CPAMD8: variants seen among roughly 807,000 people sequenced by gnomAD.
CPAMD8 encodes C3 and PZP-like alpha-2-macroglobulin domain-containing protein 8.
In CPAMD8, 146 loss-of-function variants were observed where a neutral mutation model predicts 224.7. The observed-to-expected ratio is 0.65, with a 90% CI of 0.57 to 0.75. CPAMD8 has a LOEUF of 0.75. Among genes scored for constraint, CPAMD8 ranks in the 30% least tolerant of loss-of-function variants. The pLI, the probability that CPAMD8 is intolerant of heterozygous loss-of-function variation, is 0.00. For synonymous variants in CPAMD8, 966 were observed against 1,044.6 expected (o/e 0.92, Z 1.45); for missense variants, 2,301 against 2,537.5 (o/e 0.91, Z 2.00).
chr19:16,924,459 A>G (rs879347704), intron 26 of CPAMD8, among the ~76,000 whole-genome samples: 6 of 152,262 alleles, frequency 3.9e-5, no homozygotes, highest in Middle Eastern at 3.4e-3. Flanking sequence ...GACCCTCACA[A>G]GTGCTAATCT....
chr19:16,916,941 C>T (rs1431975298), intron 27 of CPAMD8, among the ~76,000 whole-genome samples: 2 of 152,098 alleles, frequency 1.3e-5, no homozygotes, highest in Non-Finnish European at 2.9e-5. Flanking sequence ...CAGGGGGAAA[C>T]TCCATGCATT....
chr19:16,906,107 C>T (rs2052466817), intron 30 of CPAMD8, among the ~76,000 whole-genome samples: 1 of 152,026 alleles, frequency 6.6e-6, no homozygotes, highest in Non-Finnish European at 1.5e-5. Context: ...GTTGGCATCC[C>T]AGATTTCACA....
intron 22 of CPAMD8, among the ~76,000 whole-genome samples, chr19:16,941,740 C>T (rs764647325): frequency 7.9e-5 from 12 of 151,968 alleles, no homozygotes; most frequent in Non-Finnish European, 1.2e-4. Flanking sequence ...TTTGGGAGGC[C>T]GAGGTGAGTG....
intron 18 of CPAMD8, among the ~76,000 whole-genome samples, chr19:16,958,569 C>T (rs2054547318): frequency 2.0e-5 from 3 of 152,076 alleles, no homozygotes; most frequent in Admixed American, 2.0e-4. Flanking sequence ...GTAAATAGTG[C>T]TGCAGTGAAC....
intron 10 of CPAMD8, among the ~76,000 whole-genome samples, chr19:16,999,113 A>G (rs937043066): frequency 6.6e-6 from 1 of 152,234 alleles, no homozygotes; most frequent in Non-Finnish European, 1.5e-5. Context: ...ATTCACAGAA[A>G]TGTCCAGAAC....
At chr19:17,020,101 A>G (rs1486987840) in intron 3 of CPAMD8, among the ~76,000 whole-genome samples, 2 of 150,780 alleles carry the variant, frequency 1.3e-5, no homozygotes, top group Admixed American at 1.3e-4. Flanking sequence ...CAGCCTCCCG[A>G]GTAGCTGGGA....
chr19:16,935,489 A>G (rs2053657298), intron 23 of CPAMD8, among the ~76,000 whole-genome samples: 1 of 152,240 alleles, frequency 6.6e-6, no homozygotes. Flanking sequence ...TTTCAAAAAT[A>G]TAAATGGAAT....
Position 16,898,788 on chromosome 19 carries a change from T to C in CPAMD8, c.4848+687A>G, listed in dbSNP as rs553045379. Among the ~76,000 whole-genome samples the C allele has an allele frequency of 2.0e-5, 3 of 152,310 alleles. No individual in the cohort carries two copies. The South Asian group carries it at 6.2e-4, about 32-fold the overall frequency. On this transcript the variant is annotated intron_variant, in intron 37 of 41. Transcript: ENST00000443236. The surrounding 1 kb of genome is among the most constrained non-coding windows in gnomAD (Gnocchi z 4.2). ...GTAGCATGGATCAATGCTTCGCTCC[T>C]TCCTACAGATGGATAATATCCACTG...
intron 29 of CPAMD8, chr19:16,910,822 AGAG>A (rs1341039717): frequency 6.6e-6 from 1 of 152,408 alleles, no homozygotes; most frequent in South Asian, 2.1e-4. Context: ...GGGAGAAGAC[AGAG>A]GAGAAGGTCA....
At chr19:16,949,027 AAG>A (rs1346819566) in intron 20 of CPAMD8, among the ~76,000 whole-genome samples, 4 of 132,970 alleles carry the variant, frequency 3.0e-5, no homozygotes, top group Middle Eastern at 4.0e-3. Context: ...AAAGAAAAGA[AAG>A]AAAGAAGGAA....
At chr19:17,004,410 G>A (rs760268139) in intron 7 of CPAMD8, 24 bp from the exon 8 acceptor site, 7 of 1,501,998 alleles carry the variant, frequency 4.7e-6, no homozygotes, top group African/African-American at 2.8e-5. Context: ...GAGGGCAAGG[G>A]CTTTTTCAGA....
intron 27 of CPAMD8, among the ~76,000 whole-genome samples, chr19:16,920,710 G>T (rs551503616): frequency 6.6e-6 from 1 of 151,908 alleles, no homozygotes; most frequent in African/African-American, 2.4e-5. Flanking sequence ...ACAAAAATTA[G>T]CTGGGCATGA....
At chr19:16,945,788 T>A (rs1049964372) in intron 21 of CPAMD8, 109 bp from the exon 22 acceptor site, 2 of 944,738 alleles carry the variant, frequency 2.1e-6, no homozygotes, top group Non-Finnish European at 3.4e-6. Flanking sequence ...TGTGTGTGTG[T>A]GTGCATGTGT....
Position 17,000,266 on chromosome 19 carries a change from C to T in CPAMD8, c.867+148G>A, listed in dbSNP as rs991537884. On this transcript the variant is annotated intron_variant, in intron 10 of 41. Coordinates refer to ENST00000443236, the MANE Select transcript of CPAMD8 (RefSeq NM_015692.5). ...CCCAGGAGTTCAAGACAAGCCTGGG[C>T]AACATAGTGAGATCCTGTCTCTATT... 7.2e-6 allele frequency: 4 copies of T among 553,770 alleles called. No individual in the cohort carries two copies. The African/African-American group carries it at 7.6e-5, about 11-fold the overall frequency. 34.3% of individuals were successfully genotyped at this position (553,770 alleles called of 1,614,324 possible).
chr19:16,968,618 TAA>T (rs1265223615), intron 18 of CPAMD8, among the ~76,000 whole-genome samples: 2 of 152,066 alleles, frequency 1.3e-5, no homozygotes, highest in East Asian at 3.9e-4. Flanking sequence ...TCTAATGGCT[TAA>T]GTGTTTTTAT....
intron 11 of CPAMD8, 116 bp from the exon 12 acceptor site, chr19:16,993,702 C>G: frequency 1.1e-6 from 1 of 931,842 alleles, no homozygotes; most frequent in South Asian, 1.7e-5. Context: ...TAGAAATTGA[C>G]AAACTGCTCC....
chr19:16,926,029 G>A (rs112929929), intron 25 of CPAMD8, among the ~76,000 whole-genome samples: 12,893 of 151,962 alleles, frequency 0.085, 629 homozygotes, highest in South Asian at 0.15. Flanking sequence ...CCAAAGTGCC[G>A]GAATTACAGG....
chr19:16,980,520 C>T lies in CPAMD8; in HGVS notation c.1562G>A (p.Arg521His), dbSNP rs372500527. The change falls in exon 14 of 42, where the codon CGT (arginine) becomes CAT (histidine). Residue 521 changes from arginine to histidine, a missense_variant. By Grantham distance (29) the Arg-to-His change is conservative. This residue lies in a region of CPAMD8 where 301 missense variants were observed against 406.6 expected (regional missense o/e 0.74). Coordinates refer to ENST00000443236, the MANE Select transcript of CPAMD8 (RefSeq NM_015692.5). Reference protein sequence around the residue: ...RAAPALEKPIRLTHLSETEPP... With the variant: ...RAAPALEKPIHLTHLSETEPP... ...ACCTGTCTCAGAAAGGTGTGTTAAA[C>T]GAATCGGTTTCTCCAGGGCAGGGGC... 6.4e-5 allele frequency: 104 copies of T among 1,613,762 alleles called. No individual in the cohort carries two copies. In the East Asian group the frequency reaches 1.0e-3, roughly 16 times the overall value.
chr19:17,011,433 C>T, intron 5 of CPAMD8, 31 bp downstream of exon 5: 1 of 1,614,098 alleles, frequency 6.2e-7, no homozygotes, highest in Non-Finnish European at 8.5e-7. Context: ...TGGGTGCACT[C>T]CGGGCCCGCG....
Sources: gnomAD v4.1 joint callset for allele counts (sites outside exome capture counted in the v4.1 genomes callset) on GRCh38, gnomAD v4.1.1 for gene constraint, gnomAD v4.1.1 regional missense constraint, Gnocchi (gnomAD v3.1) non-coding constraint, MANE v1.5 for transcripts, NCBI Gene and HGNC (gene_info 2026-07-23, HGNC 2026-07-21) for gene names.